CBLB: variants seen among roughly 807,000 people sequenced by gnomAD.
CBLB encodes the protein E3 ubiquitin-protein ligase CBL-B.
A neutral mutation model predicts 104.9 loss-of-function variants in CBLB; 31 were observed. The observed-to-expected ratio is 0.30, with a 90% CI of 0.22 to 0.40. CBLB has a LOEUF of 0.40. Among genes scored for constraint, CBLB ranks in the 10% least tolerant of loss-of-function variants. The pLI is 1.00. For synonymous variants in CBLB, 440 were observed against 422.6 expected (o/e 1.04, Z -0.51); for missense variants, 1,062 against 1,214.6 (o/e 0.87, Z 1.87).
intron 3 of CBLB, among the ~76,000 whole-genome samples, chr3:105,783,106 A>C (rs2080493625): frequency 6.6e-6 from 1 of 152,202 alleles, no homozygotes; most frequent in African/African-American, 2.4e-5. Context: ...TATTCTGATT[A>C]ATTTTTCTAG....
intron 4 of CBLB, among the ~76,000 whole-genome samples, chr3:105,765,604 T>C (rs559330234): frequency 9.4e-4 from 143 of 152,312 alleles, no homozygotes; most frequent in African/African-American, 3.3e-3. Context: ...ACAATGTTCA[T>C]TCACCATTCC....
intron 6 of CBLB, 108 bp downstream of exon 6, chr3:105,745,809 C>T (rs188427155): frequency 1.6e-5 from 16 of 997,628 alleles, no homozygotes; most frequent in Non-Finnish European, 1.9e-5. Context: ...TTTCTAGCCC[C>T]CTCCCAAGCA....
chr3:105,709,086 T>C (rs1250271519), intron 10 of CBLB, among the ~76,000 whole-genome samples: 2 of 151,910 alleles, frequency 1.3e-5, no homozygotes, highest in South Asian at 2.1e-4. Flanking sequence ...AAATCAAATA[T>C]CTAACCAAAT....
intron 4 of CBLB, among the ~76,000 whole-genome samples, chr3:105,756,779 A>G (rs889058289): frequency 1.3e-5 from 2 of 152,216 alleles, no homozygotes; most frequent in African/African-American, 4.8e-5. Flanking sequence ...GTACCCATAT[A>G]TAAACACTGG....
In CBLB at chr3:105,740,590, G is replaced by A; in HGVS notation, c.887C>T (p.Ala296Val). ...CCCATCCCCAGTCACATAGCCAATG[G>A]CCCACTGTCCCAATCGAGTGCAACT... The part of the protein sequence containing the change: ...RLSCTRLGQW[A>V]IGYVTGDGNI... Residue 296 changes from alanine (A) to valine (V), a missense_variant, in exon 7 of 19, where the codon GCC (alanine) becomes GTC (valine). Physicochemically the swap from Ala to Val is moderately conservative, Grantham distance 64. Around this residue, in one of 2 missense-constraint regions of CBLB, gnomAD observed 457 missense variants for 632.0 expected, o/e 0.72. Transcript: ENST00000394030. The A allele has an allele frequency of 1.2e-6, 2 of 1,613,740 alleles. No individual in the cohort carries two copies. Among genetic ancestry groups the A allele is most frequent in the East Asian group, 2.2e-5 (1 of 44,860 alleles).
At chr3:105,692,603 C>G (rs1010783169) in intron 13 of CBLB, among the ~76,000 whole-genome samples, 2 of 151,946 alleles carry the variant, frequency 1.3e-5, no homozygotes, top group African/African-American at 4.8e-5. Flanking sequence ...TTAGGAATCA[C>G]TAAAAAATAT....
rs2090367534 is a variant in CBLB at position 105,847,260 on chromosome 3, A to G, written c.419+6154T>C. Among the ~76,000 whole-genome samples, 4 of 152,192 alleles carry G rather than the reference A, an allele frequency of 2.6e-5. No homozygotes were observed. In the East Asian group the frequency reaches 7.7e-4, roughly 29 times the overall value. ...GCAGATTACAAATTATTCTTTGTTT[A>G]GCCAAACAGTCAATGGAGAAAAATA... On this transcript the variant is annotated intron_variant, in intron 3 of 18. Coordinates refer to ENST00000394030, the MANE Select transcript of CBLB (RefSeq NM_170662.5).
At chr3:105,729,091 T>C (rs1022280017) in intron 9 of CBLB, among the ~76,000 whole-genome samples, 8 of 152,156 alleles carry the variant, frequency 5.3e-5, no homozygotes, top group South Asian at 2.1e-4. Flanking sequence ...TGATTTATCA[T>C]AGCTTCTTGG....
rs1354594398 is a variant in CBLB at position 105,704,026 on chromosome 3, C to T, written c.1555G>A (p.Val519Ile). The T allele has an allele frequency of 1.2e-6, 2 of 1,614,182 alleles. No individual in the cohort carries two copies. The highest frequency in any genetic ancestry group is 2.2e-5 in the East Asian group (1 of 44,884). Reference sequence around the variant, plus strand: ...GTTGGGCTGCCACAGGGAGATCTAACTATGCCTTTCTGAATTAGATCCAGG... The same window carrying T: ...GTTGGGCTGCCACAGGGAGATCTAATTATGCCTTTCTGAATTAGATCCAGG... ...PRLDLIQKGI[V>I]RSPCGSPTGS... The change falls in exon 11 of 19, where the codon GTT becomes ATT. Residue 519 changes from valine to isoleucine, a missense_variant. Val to Ile is a conservative substitution (Grantham distance 29). Around this residue, in one of 2 missense-constraint regions of CBLB, gnomAD observed 605 missense variants for 582.6 expected, o/e 1.04. Coordinates refer to ENST00000394030, the MANE Select transcript of CBLB (RefSeq NM_170662.5).
At chr3:105,779,001 T>C (rs1396093997) in intron 3 of CBLB, among the ~76,000 whole-genome samples, 2 of 152,198 alleles carry the variant, frequency 1.3e-5, no homozygotes, top group Admixed American at 6.5e-5. Context: ...ATTTCTATAA[T>C]TGGGCTAAAG....
rs1352299406 is a variant in CBLB at position 105,751,475 on chromosome 3, G to A, written c.710C>T (p.Thr237Ile). Residue 237 changes from threonine to isoleucine, a missense_variant, in exon 5 of 19, where the codon ACC (threonine) becomes ATC (isoleucine). This residue lies in a region of CBLB where 457 missense variants were observed against 632.0 expected (regional missense o/e 0.72). Transcript: ENST00000394030. The part of the protein sequence containing the change: ...YISVFEFDIF[T>I]RLFQPWGSIL... ...GTATAAACTTACCTGAAACAGCCTG[G>A]TAAAAATATCAAATTCAAAAACTGA... 1 of 1,609,134 alleles carries A rather than the reference G, an allele frequency of 6.2e-7. No individual in the cohort carries two copies. The highest frequency in any genetic ancestry group is 8.5e-7 in the Non-Finnish European group (1 of 1,175,812).
intron 3 of CBLB, among the ~76,000 whole-genome samples, chr3:105,783,834 G>A (rs140941566): frequency 7.2e-5 from 11 of 152,268 alleles, no homozygotes; most frequent in Admixed American, 7.2e-4. Flanking sequence ...GACAGTTTGA[G>A]GGTTGAATGG....
At chr3:105,855,481 T>C (rs968480423) in intron 2 of CBLB, among the ~76,000 whole-genome samples, 3 of 152,236 alleles carry the variant, frequency 2.0e-5, no homozygotes, top group Admixed American at 1.3e-4. Flanking sequence ...CATTTCACTA[T>C]GTGTATATAT....
At chr3:105,787,885 G>A (rs1311443524) in intron 3 of CBLB, among the ~76,000 whole-genome samples, 1 of 151,894 alleles carries the variant, frequency 6.6e-6, no homozygotes, top group Non-Finnish European at 1.5e-5. Flanking sequence ...AAACCACAAA[G>A]CAGCAGAAAT....
chr3:105,835,538 C>A (rs1181517392), intron 3 of CBLB, among the ~76,000 whole-genome samples: 2 of 152,152 alleles, frequency 1.3e-5, no homozygotes, highest in Non-Finnish European at 2.9e-5. Context: ...AATTATTTTA[C>A]TCTAAGTCAC....
chr3:105,711,205 C>T (rs1477382857), intron 10 of CBLB, among the ~76,000 whole-genome samples: 3 of 151,838 alleles, frequency 2.0e-5, no homozygotes, highest in Non-Finnish European at 1.5e-5. Flanking sequence ...TTTTATAATA[C>T]TTTTAACAAG....
At chr3:105,806,580 C>G (rs771767615) in intron 3 of CBLB, among the ~76,000 whole-genome samples, 5 of 151,972 alleles carry the variant, frequency 3.3e-5, no homozygotes, top group Non-Finnish European at 7.4e-5. Flanking sequence ...CATAACCCCC[C>G]AGTAAGCTTT....
chr3:105,739,711 G>T (rs978434130), intron 7 of CBLB, among the ~76,000 whole-genome samples: 2 of 152,054 alleles, frequency 1.3e-5, no homozygotes, highest in Non-Finnish European at 2.9e-5. Context: ...GTTATTATTA[G>T]TGTGAAAAAG....
intron 13 of CBLB, among the ~76,000 whole-genome samples, chr3:105,691,267 G>C (rs1307572589): frequency 1.3e-5 from 2 of 152,184 alleles, no homozygotes; most frequent in African/African-American, 2.4e-5. Context: ...ATGCAAAATT[G>C]AAAACTAATT....
Sources: allele counts gnomAD v4.1 joint callset (sites outside exome capture counted in the v4.1 genomes callset), GRCh38; gene constraint gnomAD v4.1.1; regional missense constraint gnomAD v4.1.1; transcripts MANE v1.5; gene names NCBI Gene and HGNC (gene_info 2026-07-23, HGNC 2026-07-21).